MACROD1: variants seen among roughly 807,000 people sequenced by gnomAD.
MACROD1 encodes mono-ADP ribosylhydrolase 1.
In MACROD1, 31 loss-of-function variants were observed where a neutral mutation model predicts 41.4. The ratio of observed to expected loss-of-function variants is 0.75; its 90% CI spans 0.56 to 1.01. The LOEUF (loss-of-function observed/expected upper bound fraction) is 1.01, where lower values mean the gene tolerates loss of function less well. Among genes scored for constraint, MACROD1 ranks in the 50% least tolerant of loss-of-function variants. The pLI is 0.00. For synonymous variants in MACROD1, 252 were observed against 203.4 expected, an observed-to-expected ratio of 1.24 and a Z score of -2.03; for missense variants, 473 against 460.0, an observed-to-expected ratio of 1.03 and a Z score of -0.26.
intron 3 of MACROD1, among the ~76,000 whole-genome samples, chr11:64,023,783 C>T (rs1374835612): frequency 6.6e-6 from 1 of 152,182 alleles, no homozygotes; most frequent in Non-Finnish European, 1.5e-5. Context: ...CCTGTTTGCC[C>T]ACGTCCACTC....
chr11:64,073,976 G>T (rs1174063349), intron 3 of MACROD1, among the ~76,000 whole-genome samples: 1 of 152,152 alleles, frequency 6.6e-6, no homozygotes, highest in East Asian at 1.9e-4. Flanking sequence ...TGCTTTGGAG[G>T]CCCAGGCACA....
chr11:64,058,572 G>A (rs1021565183), intron 3 of MACROD1, among the ~76,000 whole-genome samples: 2 of 152,282 alleles, frequency 1.3e-5, no homozygotes, highest in African/African-American at 4.8e-5. Flanking sequence ...CTGAAGAGGG[G>A]GTGGTGGAGG....
At chr11:64,043,009 A>G (rs1193182866) in intron 3 of MACROD1, among the ~76,000 whole-genome samples, 2 of 152,214 alleles carry the variant, frequency 1.3e-5, no homozygotes, top group Admixed American at 6.5e-5. Flanking sequence ...CAGAAGGGCT[A>G]TGAAATGAAA....
chr11:64,124,804 C>G, intron 3 of MACROD1, among the ~76,000 whole-genome samples: 1 of 152,162 alleles, frequency 6.6e-6, no homozygotes, highest in Non-Finnish European at 1.5e-5. Flanking sequence ...CCTCAGCCTC[C>G]TGAGTAGCTG....
intron 3 of MACROD1, among the ~76,000 whole-genome samples, chr11:64,085,555 C>T (rs535300309): frequency 1.6e-4 from 25 of 152,292 alleles, no homozygotes; most frequent in South Asian, 4.1e-4. Flanking sequence ...CCACTAAGTA[C>T]GTCCCCTGCC....
At chr11:64,138,230 G>A (rs1945358460) in intron 3 of MACROD1, among the ~76,000 whole-genome samples, 2 of 152,304 alleles carry the variant, frequency 1.3e-5, no homozygotes, top group South Asian at 4.1e-4. Context: ...GAGGAGGCTG[G>A]GTGGAGGCCG....
chr11:64,145,594 C>A (rs992459180), intron 3 of MACROD1, among the ~76,000 whole-genome samples: 1 of 152,182 alleles, frequency 6.6e-6, no homozygotes, highest in Non-Finnish European at 1.5e-5. Flanking sequence ...GGGACCCTGA[C>A]CTGCTCCTGG....
intron 3 of MACROD1, among the ~76,000 whole-genome samples, chr11:64,089,526 T>G (rs1175484811): frequency 6.6e-6 from 1 of 152,214 alleles, no homozygotes; most frequent in Non-Finnish European, 1.5e-5. Context: ...AGCCTCCTCC[T>G]GTTATCCATG....
intron 3 of MACROD1, among the ~76,000 whole-genome samples, chr11:64,124,625 A>AT (rs1486327801): frequency 6.6e-6 from 1 of 151,646 alleles, no homozygotes; most frequent in African/African-American, 2.4e-5. Context: ...CTTTCTCACC[A>AT]TAACAGATTT....
intron 3 of MACROD1, among the ~76,000 whole-genome samples, chr11:64,044,217 C>T (rs979634717): frequency 1.3e-5 from 2 of 151,548 alleles, no homozygotes; most frequent in Admixed American, 1.3e-4. Context: ...ATCACACTTA[C>T]TATGTACCTG....
At chr11:64,157,293 G>A (rs530695616) in intron 1 of MACROD1, among the ~76,000 whole-genome samples, 4 of 152,126 alleles carry the variant, frequency 2.6e-5, no homozygotes, top group Admixed American at 2.0e-4. Flanking sequence ...GGGGTTTCAC[G>A]ATGTTGCCCA....
At chr11:64,055,827 AC>A (rs1943775287) in intron 3 of MACROD1, among the ~76,000 whole-genome samples, 1 of 152,024 alleles carries the variant, frequency 6.6e-6, no homozygotes, top group Non-Finnish European at 1.5e-5. Context: ...CTTTCTGGGT[AC>A]CATTCTTAGC....
At chr11:64,025,548 C>G (rs1372751396) in intron 3 of MACROD1, among the ~76,000 whole-genome samples, 1 of 152,198 alleles carries the variant, frequency 6.6e-6, no homozygotes, top group Non-Finnish European at 1.5e-5. Flanking sequence ...CTGGATTTGG[C>G]ATGTTATTTT....
At chr11:64,136,946 T>C (rs574494946) in intron 3 of MACROD1, among the ~76,000 whole-genome samples, 1 of 151,990 alleles carries the variant, frequency 6.6e-6, no homozygotes, top group South Asian at 2.1e-4. Flanking sequence ...GGGGCTGGAG[T>C]GGGCATCTCA....
At chr11:64,092,777 G>A (rs1313477647) in intron 3 of MACROD1, among the ~76,000 whole-genome samples, 1 of 152,246 alleles carries the variant, frequency 6.6e-6, no homozygotes, top group African/African-American at 2.4e-5. Context: ...GTAAACGGGT[G>A]CATGAACACC....
intron 3 of MACROD1, among the ~76,000 whole-genome samples, chr11:64,053,315 C>G (rs1943727810): frequency 6.6e-6 from 1 of 152,206 alleles, no homozygotes; most frequent in African/African-American, 2.4e-5. Context: ...TTTAATTAAG[C>G]CAATTAATTA....
chr11:64,083,470 G>A (rs1944338177), intron 3 of MACROD1, among the ~76,000 whole-genome samples: 1 of 152,142 alleles, frequency 6.6e-6, no homozygotes, highest in African/African-American at 2.4e-5. Context: ...AGAAGCAAAT[G>A]GCAGGATTTG....
At chr11:64,084,501 G>A (rs974522355) in intron 3 of MACROD1, among the ~76,000 whole-genome samples, 3 of 152,224 alleles carry the variant, frequency 2.0e-5, no homozygotes, top group Non-Finnish European at 4.4e-5. Flanking sequence ...TGAGCCTTGG[G>A]GTCACGGGGC....
At chr11:64,156,862 C>G (rs1394124371) in intron 1 of MACROD1, among the ~76,000 whole-genome samples, 1 of 152,222 alleles carries the variant, frequency 6.6e-6, no homozygotes, top group Non-Finnish European at 1.5e-5. Flanking sequence ...GCAGGCCAGA[C>G]AGCATGTCTG....
Sources: allele counts gnomAD v4.1 joint callset (sites outside exome capture counted in the v4.1 genomes callset), GRCh38; gene constraint gnomAD v4.1.1; transcripts MANE v1.5; gene names NCBI Gene and HGNC (gene_info 2026-07-23, HGNC 2026-07-21).